The following TENM3 variants were observed in gnomAD, a reference collection of about 807,000 sequenced individuals.
The protein encoded by TENM3 is teneurin-3.
TENM3 carries 63 observed loss-of-function variants against 255.1 expected under a neutral mutation model. The observed-to-expected ratio is 0.25, with a 90% CI of 0.20 to 0.30. The LOEUF (loss-of-function observed/expected upper bound fraction) is 0.30, where lower values mean the gene tolerates loss of function less well. Ranked by LOEUF, TENM3 falls within the 10% of genes least tolerant of loss-of-function variation. The pLI, the probability that TENM3 is intolerant of heterozygous loss-of-function variation, is 1.00. For synonymous variants in TENM3, 1,306 were observed against 1,322.3 expected, an observed-to-expected ratio of 0.99 and a Z score of 0.27; for missense variants, 2,929 against 3,461.1, an observed-to-expected ratio of 0.85 and a Z score of 3.86.
the TENM3 span, among the ~76,000 whole-genome samples, chr4:182,125,306 G>T: frequency 9.7e-3 from 1,472 of 152,344 alleles, 18 homozygotes; most frequent in African/African-American, 0.033. Flanking sequence ...TGGTGTTCAA[G>T]TCACCCTTAT....
chr4:182,336,843 C>CTTTTTTTT (rs34620762), intron 2 of TENM3, among the ~76,000 whole-genome samples: 1 of 113,496 alleles, frequency 8.8e-6, no homozygotes, highest in Non-Finnish European at 1.8e-5. Context: ...TTATTCTTAG[C>CTTTTTTTT]TTTTTTTTTT....
At chr4:181,622,746 G>T in the TENM3 span, among the ~76,000 whole-genome samples, 3 of 152,132 alleles carry the variant, frequency 2.0e-5, no homozygotes, top group African/African-American at 7.2e-5. Flanking sequence ...AATAGAACAA[G>T]CCCTGAGATA....
chr4:181,833,043 T>C, the TENM3 span, among the ~76,000 whole-genome samples: 20 of 152,170 alleles, frequency 1.3e-4, no homozygotes, highest in African/African-American at 4.8e-4. Context: ...CAGTAACATA[T>C]TCTAGGTCTG....
intron 4 of TENM3, among the ~76,000 whole-genome samples, chr4:182,615,470 T>G (rs1027590641): frequency 2.6e-5 from 4 of 152,060 alleles, no homozygotes; most frequent in Non-Finnish European, 4.4e-5. Context: ...AGAGAACCCC[T>G]TAGCCAAGGT....
chr4:182,484,664 C>T (rs968708436), intron 3 of TENM3, among the ~76,000 whole-genome samples: 12 of 152,034 alleles, frequency 7.9e-5, no homozygotes, highest in Non-Finnish European at 1.3e-4. Flanking sequence ...TAAAGAAAAG[C>T]TGTCGTGTTA....
chr4:182,423,348 G>A (rs1050387322), intron 3 of TENM3, among the ~76,000 whole-genome samples: 1 of 152,102 alleles, frequency 6.6e-6, no homozygotes, highest in Non-Finnish European at 1.5e-5. Flanking sequence ...ATCACCTTAT[G>A]TTTGTACAAG....
At chr4:182,034,367 C>A in the TENM3 span, among the ~76,000 whole-genome samples, 1 of 152,122 alleles carries the variant, frequency 6.6e-6, no homozygotes. Flanking sequence ...TTACTTGGGG[C>A]ATTTAGCCCA....
the TENM3 span, among the ~76,000 whole-genome samples, chr4:181,512,345 G>C: frequency 1.3e-5 from 2 of 152,146 alleles, no homozygotes; most frequent in African/African-American, 4.8e-5. Flanking sequence ...TATTCCCAAA[G>C]CATAGTGCAG....
At chr4:181,480,762 T>C in the TENM3 span, among the ~76,000 whole-genome samples, 1 of 149,700 alleles carries the variant, frequency 6.7e-6, no homozygotes, top group South Asian at 2.1e-4. Context: ...AAACTATATA[T>C]AGCTATATAT....
chr4:181,617,744 G>A, the TENM3 span, among the ~76,000 whole-genome samples: 3 of 152,166 alleles, frequency 2.0e-5, no homozygotes, highest in Non-Finnish European at 4.4e-5. Context: ...TATTGTCAAG[G>A]AAAATTTCTC....
At chr4:182,648,141 C>T (rs990817200) in intron 5 of TENM3, among the ~76,000 whole-genome samples, 2 of 152,124 alleles carry the variant, frequency 1.3e-5, no homozygotes, top group Non-Finnish European at 2.9e-5. Flanking sequence ...GGAGCACAGA[C>T]CATCACAGTT....
At chr4:182,155,402 C>T (rs865816805) in intron 1 of TENM3, among the ~76,000 whole-genome samples, 3 of 151,978 alleles carry the variant, frequency 2.0e-5, no homozygotes, top group Non-Finnish European at 2.9e-5. Context: ...ATAATTGTCA[C>T]ATTTCTGTTC....
the TENM3 span, among the ~76,000 whole-genome samples, chr4:182,111,117 A>G: frequency 6.6e-6 from 1 of 151,514 alleles, no homozygotes; most frequent in Non-Finnish European, 1.5e-5. Flanking sequence ...ATGGTTTCAT[A>G]TGAAAATTAT....
intron 5 of TENM3, among the ~76,000 whole-genome samples, chr4:182,632,688 T>C (rs1216474107): frequency 6.6e-6 from 1 of 152,176 alleles, no homozygotes; most frequent in Admixed American, 6.5e-5. Context: ...TTATTAACTT[T>C]GGTCAGAGTC....
chr4:182,100,600 C>CACATATACACACAT, the TENM3 span, among the ~76,000 whole-genome samples: 1 of 22,146 alleles, frequency 4.5e-5, no homozygotes, highest in Non-Finnish European at 8.5e-5. Context: ...CATATATACA[C>CACATATACACACAT]ATATATACAC....
At chr4:182,714,792 C>T (rs1393114686) in intron 13 of TENM3, among the ~76,000 whole-genome samples, 4 of 152,212 alleles carry the variant, frequency 2.6e-5, no homozygotes, top group Non-Finnish European at 5.9e-5. Flanking sequence ...TGACCTCAGC[C>T]TCCATGTACT....
At chr4:181,921,990 A>C in the TENM3 span, among the ~76,000 whole-genome samples, 1 of 152,222 alleles carries the variant, frequency 6.6e-6, no homozygotes, top group South Asian at 2.1e-4. Context: ...TATTGAGATA[A>C]TCGTGTGATT....
chr4:182,713,104 G>A lies in TENM3; in HGVS notation c.2222-983G>A, dbSNP rs534304567. 9.9e-5 allele frequency among the ~76,000 whole-genome samples: 15 copies of A among 152,194 alleles called. No homozygotes were observed. In the East Asian group the frequency reaches 2.9e-3, roughly 29 times the overall value. ...TAGACTGAAACAATTATAGATTTTG[G>A]ATATATTAAATTATTTTAATTGTTT... On this transcript the variant is annotated intron_variant, in intron 12 of 27. Coordinates refer to ENST00000511685, the MANE Select transcript of TENM3 (RefSeq NM_001080477.4).
the TENM3 span, among the ~76,000 whole-genome samples, chr4:181,950,077 C>T: frequency 6.6e-6 from 1 of 152,108 alleles, no homozygotes; most frequent in Non-Finnish European, 1.5e-5. Flanking sequence ...GTTAATATGC[C>T]CTGCCCCACC....
Sources: gnomAD v4.1 joint callset for allele counts (sites outside exome capture counted in the v4.1 genomes callset) on GRCh38, gnomAD v4.1.1 for gene constraint, MANE v1.5 for transcripts, NCBI Gene and HGNC (gene_info 2026-07-23, HGNC 2026-07-21) for gene names.